Variants in IFT80 observed in about 807,000 individuals in gnomAD.
IFT80 encodes intraflagellar transport protein 80 homolog.
Under a neutral mutation model 107.9 loss-of-function variants are expected in IFT80, and 79 were observed. That is an observed-to-expected ratio of 0.73 (90% CI 0.61 to 0.88). The LOEUF (loss-of-function observed/expected upper bound fraction) is 0.88, where lower values mean the gene tolerates loss of function less well. Among genes scored for constraint, IFT80 ranks in the 40% least tolerant of loss-of-function variants. The pLI is 0.00. For synonymous variants in IFT80, 299 were observed against 300.9 expected (o/e 0.99, Z 0.07); for missense variants, 797 against 914.2 (o/e 0.87, Z 1.65).
In IFT80 at chr3:160,277,570, T is replaced by C. The variant is rs531201934; in HGVS notation, c.1926+11A>G. On this transcript the variant is annotated intron_variant, in intron 17 of 19. Coordinates refer to ENST00000326448, the MANE Select transcript of IFT80 (RefSeq NM_020800.3). ...AACACATGTACATATATGTAAACAT[T>C]AATTACTTACTTCACCAATTGCTGC... The C allele has an allele frequency of 3.1e-6, 5 of 1,603,370 alleles. No homozygotes were observed. The highest frequency in any genetic ancestry group is 4.3e-6 in the Non-Finnish European group (5 of 1,170,420).
At chr3:160,302,949 C>T (rs1377931409) in intron 11 of IFT80, among the ~76,000 whole-genome samples, 2 of 152,164 alleles carry the variant, frequency 1.3e-5, no homozygotes, top group African/African-American at 4.8e-5. Flanking sequence ...TACTCAGCTA[C>T]ACAGTTCTGT....
At chr3:160,382,947 T>G (rs1712637799) in intron 2 of IFT80, among the ~76,000 whole-genome samples, 1 of 152,054 alleles carries the variant, frequency 6.6e-6, no homozygotes, top group Non-Finnish European at 1.5e-5. Flanking sequence ...CAAAACACAA[T>G]CTAAACAAAA....
chr3:160,313,107 T>A (rs959472936), intron 9 of IFT80, among the ~76,000 whole-genome samples: 10 of 118,114 alleles, frequency 8.5e-5, no homozygotes, highest in Admixed American at 2.6e-4. Context: ...ATATATTTTT[T>A]ATATATATTT....
At chr3:160,285,046 T>C (rs1255546086) in intron 13 of IFT80, among the ~76,000 whole-genome samples, 4 of 152,076 alleles carry the variant, frequency 2.6e-5, no homozygotes, top group African/African-American at 9.7e-5. Flanking sequence ...GTTATTCAAA[T>C]TTAAAACTAG....
intron 9 of IFT80, among the ~76,000 whole-genome samples, chr3:160,309,333 G>A (rs1717054095): frequency 6.6e-6 from 1 of 152,124 alleles, no homozygotes; most frequent in African/African-American, 2.4e-5. Context: ...AGTCACACAG[G>A]GGAATATTAT....
intron 8 of IFT80, among the ~76,000 whole-genome samples, chr3:160,342,351 A>G (rs1719969923): frequency 6.6e-6 from 1 of 152,188 alleles, no homozygotes; most frequent in Non-Finnish European, 1.5e-5. Flanking sequence ...AATATAGAGA[A>G]TAACAATTCA....
intron 19 of IFT80, among the ~76,000 whole-genome samples, chr3:160,260,738 T>C (rs757581890): frequency 6.6e-6 from 1 of 152,228 alleles, no homozygotes; most frequent in Non-Finnish European, 1.5e-5. Context: ...TTTGCTAGTA[T>C]AGGGACTGCC....
chr3:160,279,136 A>G, intron 16 of IFT80, 57 bp downstream of exon 16: 4 of 1,425,468 alleles, frequency 2.8e-6, no homozygotes, highest in Non-Finnish European at 3.9e-6. Flanking sequence ...CTCATTTTGC[A>G]CAAAGGTAAA....
rs1275105322 is a variant in IFT80, at chr3:160,300,875, ATACT to A, written c.1315+4_1315+7del. On this transcript the variant is annotated splice_donor_5th_base_variant and intron_variant, in intron 12 of 19. Coordinates refer to ENST00000326448, the MANE Select transcript of IFT80 (RefSeq NM_020800.3). ...ATTTGACAGGAAAAATTATAAAAAT[ATACT>A]TACTTTTTTCATCAGCTTTGTCTCT... 4.4e-6 allele frequency: 7 copies of A among 1,587,060 alleles called. No individual in the cohort carries two copies. Among genetic ancestry groups the A allele is most frequent in the Non-Finnish European group, 6.0e-6 (7 of 1,165,808 alleles).
At chr3:160,300,238 G>A (rs1716319908) in intron 12 of IFT80, among the ~76,000 whole-genome samples, 3 of 151,892 alleles carry the variant, frequency 2.0e-5, no homozygotes, top group South Asian at 4.2e-4. Context: ...GTTCACCATT[G>A]TATCCTGAAC....
At chr3:160,366,853 A>C (rs1721905100) in intron 5 of IFT80, among the ~76,000 whole-genome samples, 1 of 151,892 alleles carries the variant, frequency 6.6e-6, no homozygotes, top group Non-Finnish European at 1.5e-5. Flanking sequence ...TGTGTTATCA[A>C]ATACTAGGCC....
At chr3:160,266,240 C>T (rs1246181498) in intron 19 of IFT80, among the ~76,000 whole-genome samples, 1 of 151,476 alleles carries the variant, frequency 6.6e-6, no homozygotes, top group African/African-American at 2.4e-5. Context: ...ATTTTGGTAA[C>T]AGTTGAATAT....
At chr3:160,354,690 G>A (rs1293895922) in intron 8 of IFT80, among the ~76,000 whole-genome samples, 1 of 151,972 alleles carries the variant, frequency 6.6e-6, no homozygotes, top group Non-Finnish European at 1.5e-5. Flanking sequence ...TAAAAAGAAT[G>A]AATGGGACTC....
At chr3:160,294,428 G>A (rs1356685976) in intron 12 of IFT80, among the ~76,000 whole-genome samples, 2 of 152,068 alleles carry the variant, frequency 1.3e-5, no homozygotes, top group South Asian at 2.1e-4. Context: ...ACCATGTTGC[G>A]CAGGCTGGTC....
At chr3:160,336,474 A>AT (rs1719470187) in intron 8 of IFT80, among the ~76,000 whole-genome samples, 2 of 152,146 alleles carry the variant, frequency 1.3e-5, no homozygotes. Flanking sequence ...AATATACAAA[A>AT]TATAGTCAAA....
At chr3:160,360,097 A>G (rs1721385370) in intron 6 of IFT80, among the ~76,000 whole-genome samples, 1 of 152,212 alleles carries the variant, frequency 6.6e-6, no homozygotes. Context: ...CAAGGAAGCT[A>G]AAAACCTTGA....
chr3:160,316,493 T>C (rs542660139), intron 9 of IFT80, among the ~76,000 whole-genome samples: 1 of 152,194 alleles, frequency 6.6e-6, no homozygotes, highest in Non-Finnish European at 1.5e-5. Context: ...CCACTATGTT[T>C]AGGGTTATTC....
intron 5 of IFT80, among the ~76,000 whole-genome samples, chr3:160,368,406 G>A (rs1238329656): frequency 1.3e-5 from 2 of 149,572 alleles, no homozygotes; most frequent in East Asian, 3.9e-4. Flanking sequence ...CCACAGTTCA[G>A]GTGTTATAAA....
intron 1 of IFT80, among the ~76,000 whole-genome samples, chr3:160,391,112 T>C (rs1255818830): frequency 2.0e-5 from 3 of 152,184 alleles, no homozygotes; most frequent in East Asian, 3.9e-4. Context: ...ACACTACCTA[T>C]GGGGTAGCCC....
Sources: allele counts gnomAD v4.1 joint callset (sites outside exome capture counted in the v4.1 genomes callset), GRCh38; gene constraint gnomAD v4.1.1; transcripts MANE v1.5; gene names NCBI Gene and HGNC (gene_info 2026-07-23, HGNC 2026-07-21).